KCNK13: variants seen among roughly 807,000 people sequenced by gnomAD.
KCNK13 encodes potassium two pore domain channel subfamily K member 13.
KCNK13 carries 12 observed loss-of-function variants against 23.4 expected under a neutral mutation model. The observed-to-expected ratio is 0.51, with a 90% CI of 0.33 to 0.83. The LOEUF is 0.83. Among genes scored for constraint, KCNK13 ranks in the 40% least tolerant of loss-of-function variants. KCNK13 has a pLI of 0.02. For missense variants in KCNK13, 463 were observed against 556.3 expected (o/e 0.83, Z 1.69); for synonymous variants, 231 against 229.5 (o/e 1.01, Z -0.06).
intron 1 of KCNK13, among the ~76,000 whole-genome samples, chr14:90,140,818 T>C (rs1328955343): frequency 6.6e-6 from 1 of 152,178 alleles, no homozygotes; most frequent in Non-Finnish European, 1.5e-5. Context: ...CAGTGGATGT[T>C]TTAATGATCA....
At position 90,184,565 on chromosome 14, in the gene KCNK13, C is replaced by T; in HGVS notation, c.789C>T (p.Val263=). ...SQGLYRFANF[V]FILMGVCCIY... is the part of the protein sequence containing the mutation. ...GCCTCTATCGCTTTGCCAACTTCGT[C>T]TTCATCCTCATGGGTGTCTGCTGCA... The change falls in exon 2 of 2, where the codon GTC becomes GTT. Residue 263 remains valine, a synonymous_variant. Coordinates refer to ENST00000282146, the MANE Select transcript of KCNK13 (RefSeq NM_022054.4). This position sits in a 1 kb window ranked among gnomAD's most constrained non-coding sequence, Gnocchi z 5.6. The T allele has an allele frequency of 6.2e-7, 1 of 1,614,262 alleles. No individual in the cohort carries two copies. The highest frequency in any genetic ancestry group is 1.1e-5 in the South Asian group (1 of 91,092).
chr14:90,148,507 G>T (rs546456225), intron 1 of KCNK13, among the ~76,000 whole-genome samples: 1 of 152,332 alleles, frequency 6.6e-6, no homozygotes, highest in Admixed American at 6.5e-5. Context: ...GCTGAGCAAG[G>T]TTCCACAGAG....
intron 1 of KCNK13, among the ~76,000 whole-genome samples, chr14:90,091,606 G>A (rs1341906572): frequency 2.6e-5 from 4 of 152,014 alleles, no homozygotes; most frequent in African/African-American, 9.7e-5. Context: ...CTTAAACCTG[G>A]AATGCAGAAC....
At chr14:90,063,243 G>C (rs770657583) in intron 1 of KCNK13, among the ~76,000 whole-genome samples, 9 of 152,090 alleles carry the variant, frequency 5.9e-5, no homozygotes, top group Non-Finnish European at 1.2e-4. Context: ...AGGAAGACTA[G>C]GAAGGTCTGC....
chr14:90,147,635 T>C (rs74082651), intron 1 of KCNK13, among the ~76,000 whole-genome samples: 9,871 of 152,256 alleles, frequency 0.065, 414 homozygotes, highest in South Asian at 0.21. Context: ...AGATTTCTTC[T>C]GTTGTGTTGG....
intron 1 of KCNK13, among the ~76,000 whole-genome samples, chr14:90,167,382 A>G (rs1407691761): frequency 1.3e-5 from 2 of 152,218 alleles, no homozygotes; most frequent in African/African-American, 4.8e-5. Flanking sequence ...CTGGAAGCAT[A>G]ACATTTATTG....
At chr14:90,116,884 A>G (rs1452101515) in intron 1 of KCNK13, among the ~76,000 whole-genome samples, 1 of 152,180 alleles carries the variant, frequency 6.6e-6, no homozygotes, top group Non-Finnish European at 1.5e-5. Context: ...GTCAAAATAC[A>G]GTAATTCCTC....
chr14:90,062,677 T>C lies in KCNK13; in HGVS notation c.334+138T>C, dbSNP rs1888960145. 2 of 623,072 alleles carry C rather than the reference T, an allele frequency of 3.2e-6. No individual in the cohort carries two copies. Among genetic ancestry groups the C allele is most frequent in the Admixed American group, 3.6e-5 (1 of 27,998 alleles). The allele number at this position is 623,072 out of a possible 1,614,324, so 38.6% of individuals were successfully genotyped here. A position where few individuals can be genotyped will look rare whatever the true frequency, so the allele number is the denominator to read the frequency against. ...TCCACTGACATGAGCTGTCGCCTGA[T>C]CAACAGGTGGTATTGCCTCCCCGCT... On this transcript the variant is annotated intron_variant, in intron 1 of 1. Coordinates refer to ENST00000282146, the MANE Select transcript of KCNK13 (RefSeq NM_022054.4). This position sits in a 1 kb window ranked among gnomAD's most constrained non-coding sequence, Gnocchi z 4.5.
At chr14:90,129,803 A>G (rs1889845692) in intron 1 of KCNK13, among the ~76,000 whole-genome samples, 1 of 151,952 alleles carries the variant, frequency 6.6e-6, no homozygotes, top group Non-Finnish European at 1.5e-5. Flanking sequence ...ACTTTATGTC[A>G]TTTGGGTGTG....
At chr14:90,091,871 T>C (rs1447548354) in intron 1 of KCNK13, among the ~76,000 whole-genome samples, 1 of 151,798 alleles carries the variant, frequency 6.6e-6, no homozygotes, top group African/African-American at 2.4e-5. Flanking sequence ...ACCTAAACGT[T>C]GGCAAGAATG....
chr14:90,098,140 G>T (rs923404765), intron 1 of KCNK13, among the ~76,000 whole-genome samples: 2 of 152,188 alleles, frequency 1.3e-5, no homozygotes, highest in Non-Finnish European at 2.9e-5. Context: ...GTTCCTCATA[G>T]ACTTTAAAAT....
At chr14:90,169,451 A>G (rs1890340345) in intron 1 of KCNK13, among the ~76,000 whole-genome samples, 1 of 152,154 alleles carries the variant, frequency 6.6e-6, no homozygotes, top group Non-Finnish European at 1.5e-5. Flanking sequence ...CAGTGTTTGA[A>G]ACCTACGGAA....
At chr14:90,158,207 G>A (rs1890216444) in intron 1 of KCNK13, among the ~76,000 whole-genome samples, 1 of 152,158 alleles carries the variant, frequency 6.6e-6, no homozygotes, top group Non-Finnish European at 1.5e-5. Flanking sequence ...GGCCTCCTGT[G>A]AGAAGCTGGT....
intron 1 of KCNK13, among the ~76,000 whole-genome samples, chr14:90,148,957 T>C (rs1890104303): frequency 1.3e-5 from 2 of 152,192 alleles, no homozygotes; most frequent in African/African-American, 4.8e-5. Context: ...CAGTTGTGCC[T>C]CCCTGAAAGA....
chr14:90,065,265 G>A (rs1888994828), intron 1 of KCNK13, among the ~76,000 whole-genome samples: 1 of 152,044 alleles, frequency 6.6e-6, no homozygotes, highest in Admixed American at 6.5e-5. Flanking sequence ...AAGACTTTGA[G>A]GTAGCAGACA....
At chr14:90,075,744 G>T (rs889034004) in intron 1 of KCNK13, among the ~76,000 whole-genome samples, 1 of 152,066 alleles carries the variant, frequency 6.6e-6, no homozygotes, top group African/African-American at 2.4e-5. Flanking sequence ...ACCTCCCAAA[G>T]TGCTGGGATT....
intron 1 of KCNK13, among the ~76,000 whole-genome samples, chr14:90,109,560 C>G (rs1889589419): frequency 6.6e-6 from 1 of 151,554 alleles, no homozygotes; most frequent in Admixed American, 6.6e-5. Flanking sequence ...GGGTGCCCAC[C>G]ACCACGCCTG....
chr14:90,106,762 C>T (rs191136669), intron 1 of KCNK13, among the ~76,000 whole-genome samples: 2 of 151,438 alleles, frequency 1.3e-5, no homozygotes, highest in East Asian at 3.9e-4. Flanking sequence ...TGGCTCATAC[C>T]TGTAATCCCA....
intron 1 of KCNK13, among the ~76,000 whole-genome samples, chr14:90,099,522 G>C (rs1035900556): frequency 3.3e-5 from 5 of 152,176 alleles, no homozygotes; most frequent in African/African-American, 1.2e-4. Flanking sequence ...TTTATCCCTA[G>C]AGTGAGTTAT....
Sources: allele counts gnomAD v4.1 joint callset (sites outside exome capture counted in the v4.1 genomes callset), GRCh38; gene constraint gnomAD v4.1.1; non-coding constraint Gnocchi (gnomAD v3.1); transcripts MANE v1.5; gene names NCBI Gene and HGNC (gene_info 2026-07-23, HGNC 2026-07-21).